The following CCDC91 variants were observed in gnomAD, a reference collection of about 807,000 sequenced individuals.
CCDC91 encodes the protein coiled-coil domain containing 91, also known as coiled-coil domain-containing protein 91.
Under a neutral mutation model 63.2 loss-of-function variants are expected in CCDC91, and 48 were observed. That is an observed-to-expected ratio of 0.76 (90% CI 0.60 to 0.97). CCDC91 has a LOEUF of 0.97. Among genes scored for constraint, CCDC91 ranks in the 50% least tolerant of loss-of-function variants. The probability of loss-of-function intolerance (pLI) is 0.00; values close to 1 mark genes in which losing one functional copy is unlikely to be tolerated. For synonymous variants in CCDC91, 167 were observed against 165.8 expected (o/e 1.01, Z -0.06); for missense variants, 500 against 494.6 (o/e 1.01, Z -0.10).
chr12:28,203,489 G>A (rs1942616724), intron 1 of CCDC91, among the ~76,000 whole-genome samples: 1 of 152,164 alleles, frequency 6.6e-6, no homozygotes, highest in African/African-American at 2.4e-5. Context: ...CTGCATATAA[G>A]AGATCATTTA....
Position 28,408,694 on chromosome 12 carries a change from G to A in CCDC91, c.762+17283G>A, listed in dbSNP as rs565070356. Among the ~76,000 whole-genome samples the A allele has an allele frequency of 1.1e-4, 17 of 152,084 alleles. No individual in the cohort carries two copies. In the East Asian group the frequency reaches 3.3e-3, roughly 29 times the overall value. ...GTCTTGCTCTGTATCCCAGGCTGGA[G>A]TGCAGTGGCATGATCTTGGCTCACT... On this transcript the variant is annotated intron_variant, in intron 8 of 12. Transcript: ENST00000536442.
At chr12:28,323,369 A>G (rs1212722115) in intron 6 of CCDC91, among the ~76,000 whole-genome samples, 1 of 151,844 alleles carries the variant, frequency 6.6e-6, no homozygotes, top group Non-Finnish European at 1.5e-5. Context: ...TGTTACCATG[A>G]CAATATTTGT....
At chr12:28,249,522 C>A (rs573260154) in intron 1 of CCDC91, among the ~76,000 whole-genome samples, 3 of 152,282 alleles carry the variant, frequency 2.0e-5, no homozygotes, top group Non-Finnish European at 4.4e-5. Context: ...AAAAACAAGT[C>A]TCTGTGCTTA....
At chr12:28,212,207 T>G (rs1215476014) in intron 1 of CCDC91, among the ~76,000 whole-genome samples, 1 of 152,188 alleles carries the variant, frequency 6.6e-6, no homozygotes, top group East Asian at 1.9e-4. Context: ...TCTGACACTA[T>G]CTGTTAAAAG....
intron 11 of CCDC91, among the ~76,000 whole-genome samples, chr12:28,483,227 A>ATT (rs1322146503): frequency 1.3e-5 from 2 of 152,054 alleles, no homozygotes; most frequent in Admixed American, 6.6e-5. Flanking sequence ...AACCTCCAAG[A>ATT]ATCAAAACTG....
In CCDC91 at chr12:28,442,488, C is replaced by T. The variant is rs142657782; in HGVS notation, c.763-7673C>T. Among the ~76,000 whole-genome samples the T allele has an allele frequency of 3.4e-3, 520 of 152,098 alleles. 7 individuals carry two copies. Among genetic ancestry groups the T allele is most frequent in the African/African-American group, 0.012 (487 of 41,528 alleles). ...CAATTTTCTGAAAAGGCCAATTTGC[C>T]GCTGTGAATGGCACATACTGTGTAA... is the stretch of plus-strand genomic sequence containing the variant. On this transcript the variant is annotated intron_variant, in intron 8 of 12. Transcript: ENST00000536442.
At chr12:28,536,777 G>C (rs1565540168) in intron 12 of CCDC91, among the ~76,000 whole-genome samples, 2 of 152,108 alleles carry the variant, frequency 1.3e-5, no homozygotes, top group African/African-American at 2.4e-5. Flanking sequence ...ATTTTGATCA[G>C]AATGTCTTTG....
intron 11 of CCDC91, among the ~76,000 whole-genome samples, chr12:28,480,963 A>C (rs1185843351): frequency 6.6e-6 from 1 of 152,056 alleles, no homozygotes; most frequent in Non-Finnish European, 1.5e-5. Flanking sequence ...TTTAAGCAAT[A>C]GAGAGAAATT....
chr12:28,374,749 G>A (rs939049980), intron 7 of CCDC91, among the ~76,000 whole-genome samples: 11 of 152,062 alleles, frequency 7.2e-5, no homozygotes, highest in Non-Finnish European at 1.0e-4. Context: ...GTATTTAAGA[G>A]ATTAGCTGAC....
chr12:28,282,081 A>C (rs1948641216), intron 3 of CCDC91, among the ~76,000 whole-genome samples: 1 of 152,190 alleles, frequency 6.6e-6, no homozygotes, highest in African/African-American at 2.4e-5. Flanking sequence ...AAAAAGGATA[A>C]CTAAAAGAAT....
At chr12:28,543,725 A>G (rs67370911) in intron 12 of CCDC91, among the ~76,000 whole-genome samples, 13,681 of 152,042 alleles carry the variant, frequency 0.09, 1,894 homozygotes, top group African/African-American at 0.3. Context: ...TATATCTGAC[A>G]TCTCCAACAT....
intron 3 of CCDC91, among the ~76,000 whole-genome samples, chr12:28,267,852 G>GTAATATATAATTATATGAT (rs1555170550): frequency 3.8e-5 from 1 of 26,156 alleles, no homozygotes; most frequent in Non-Finnish European, 6.6e-5. Flanking sequence ...TAATTATATA[G>GTAATATATAATTATATGAT]TAATATATAA....
At chr12:28,511,744 C>A (rs1165024311) in intron 12 of CCDC91, among the ~76,000 whole-genome samples, 2 of 151,924 alleles carry the variant, frequency 1.3e-5, no homozygotes, top group East Asian at 3.9e-4. Context: ...ACTGTGTCTG[C>A]GCACTCATAT....
intron 1 of CCDC91, among the ~76,000 whole-genome samples, chr12:28,199,497 T>C (rs1249563381): frequency 6.6e-6 from 1 of 152,226 alleles, no homozygotes; most frequent in Non-Finnish European, 1.5e-5. Flanking sequence ...CATACATTTA[T>C]ATTTTCTTTT....
intron 8 of CCDC91, among the ~76,000 whole-genome samples, chr12:28,406,010 G>C (rs1946916082): frequency 6.6e-6 from 1 of 152,046 alleles, no homozygotes; most frequent in Non-Finnish European, 1.5e-5. Context: ...CCTTACGAAT[G>C]GTGAATCCAA....
intron 1 of CCDC91, among the ~76,000 whole-genome samples, chr12:28,225,279 T>C (rs1944196298): frequency 6.6e-6 from 1 of 152,142 alleles, no homozygotes; most frequent in Admixed American, 6.6e-5. Context: ...GTATCTGAGG[T>C]TGTCATTTGG....
rs34854850 is a variant in CCDC91, at chr12:28,264,585, C to CTGTGTGTGTGTGTG, written c.109+5165_109+5178dup. Among the ~76,000 whole-genome samples, 1,307 of 137,290 alleles carry CTGTGTGTGTGTGTG rather than the reference C, an allele frequency of 9.5e-3. 20 individuals are homozygous for CTGTGTGTGTGTGTG. The highest frequency in any genetic ancestry group is 0.026 in the African/African-American group (954 of 36,294). The allele number at this position is 137,290 out of a possible 152,430, so 90.1% of individuals were successfully genotyped here. A position where few individuals can be genotyped will look rare whatever the true frequency, so the allele number is the denominator to read the frequency against. On this transcript the variant is annotated intron_variant, in intron 3 of 12. Coordinates refer to ENST00000536442, the MANE Select transcript of CCDC91 (RefSeq NM_018318.5). ...TAGGCACATATATATATATGTCTGTCTGTGTGTGTGTGTGTGTGTGTGTGT... is the reference window on the plus strand; with the variant it reads ...TAGGCACATATATATATATGTCTGTCTGTGTGTGTGTGTGTGTGTGTGTGTGTGTGTGTGTGTGT...
rs1592259614 is a variant in CCDC91, at chr12:28,305,763, A to G, written c.224A>G (p.His75Arg). The change falls in exon 4 of 13, where the codon CAT (histidine) becomes CGT (arginine). Residue 75 changes from histidine (H) to arginine (R), a missense_variant. Physicochemically the swap from His to Arg is conservative, Grantham distance 29. Coordinates refer to ENST00000536442, the MANE Select transcript of CCDC91 (RefSeq NM_018318.5). ...ATTATTTCATCACCAGAGAATACACATGCAGCAAATAGCATTGTGAGTCAA... is the reference window on the plus strand; with the variant it reads ...ATTATTTCATCACCAGAGAATACACGTGCAGCAAATAGCATTGTGAGTCAA... ...DAIISSPENTHAANSIVSQTI... is the reference protein window; with the variant it reads ...DAIISSPENTRAANSIVSQTI... 1.9e-6 allele frequency: 3 copies of G among 1,613,198 alleles called. No individual in the cohort carries two copies. In the East Asian group the frequency reaches 6.7e-5, roughly 36 times the overall value.
intron 12 of CCDC91, among the ~76,000 whole-genome samples, chr12:28,502,308 A>C (rs997391259): frequency 9.2e-5 from 14 of 152,008 alleles, no homozygotes; most frequent in African/African-American, 3.1e-4. Flanking sequence ...AGAGAGCCAA[A>C]TCATGAGTGA....
Sources: allele counts gnomAD v4.1 joint callset (sites outside exome capture counted in the v4.1 genomes callset), GRCh38; gene constraint gnomAD v4.1.1; transcripts MANE v1.5; gene names NCBI Gene and HGNC (gene_info 2026-07-23, HGNC 2026-07-21).